Variants in TSPAN2 observed in about 807,000 individuals in gnomAD.
The protein encoded by TSPAN2 is tetraspanin 2, also known as tetraspanin-2.
In TSPAN2, 24 loss-of-function variants were observed where a neutral mutation model predicts 33.3. The ratio of observed to expected loss-of-function variants is 0.72; its 90% CI spans 0.52 to 1.01. The LOEUF is 1.01. Ranked by LOEUF, TSPAN2 falls within the 50% of genes least tolerant of loss-of-function variation. TSPAN2 has a pLI of 0.00. For missense variants in TSPAN2, 278 were observed against 281.3 expected, an observed-to-expected ratio of 0.99 and a Z score of 0.08; for synonymous variants, 114 against 104.5, an observed-to-expected ratio of 1.09 and a Z score of -0.56.
chr1:115,065,215 G>T (rs1484498795), intron 2 of TSPAN2, among the ~76,000 whole-genome samples: 2 of 152,138 alleles, frequency 1.3e-5, no homozygotes, highest in Non-Finnish European at 1.5e-5. Flanking sequence ...TGGGCGTGCC[G>T]GATCCAGTTC....
intron 1 of TSPAN2, among the ~76,000 whole-genome samples, chr1:115,088,071 A>G (rs1389576326): frequency 6.6e-6 from 1 of 152,182 alleles, no homozygotes; most frequent in African/African-American, 2.4e-5. Context: ...GCCTCTCCCT[A>G]TAGTATGCTT....
chr1:115,059,115 T>C, intron 4 of TSPAN2, 134 bp from the exon 5 acceptor site: 1 of 722,082 alleles, frequency 1.4e-6, no homozygotes, highest in South Asian at 1.7e-5. Context: ...CAATGGACTT[T>C]GGGGACTCAG....
chr1:115,087,753 A>C (rs2101052730), intron 1 of TSPAN2, among the ~76,000 whole-genome samples: 1 of 152,294 alleles, frequency 6.6e-6, no homozygotes, highest in East Asian at 1.9e-4. Flanking sequence ...ATAATAGTAT[A>C]TGTATATCAG....
chr1:115,051,117 C>T (rs141754923), intron 7 of TSPAN2, among the ~76,000 whole-genome samples: 3,044 of 152,150 alleles, frequency 0.02, 101 homozygotes, highest in African/African-American at 0.071. Flanking sequence ...CTAGACCAGC[C>T]TGGGAAACAT....
intron 4 of TSPAN2, among the ~76,000 whole-genome samples, chr1:115,059,878 C>A (rs906989077): frequency 6.6e-5 from 10 of 152,170 alleles, no homozygotes; most frequent in Non-Finnish European, 8.8e-5. Context: ...TGAAATACAC[C>A]AAACTTAAGT....
At chr1:115,088,087 A>G (rs1648914614) in intron 1 of TSPAN2, among the ~76,000 whole-genome samples, 1 of 152,232 alleles carries the variant, frequency 6.6e-6, no homozygotes, top group African/African-American at 2.4e-5. Flanking sequence ...TGCTTGATGT[A>G]AATCCCCACG....
chr1:115,062,822 G>A (rs1647788326), intron 2 of TSPAN2, among the ~76,000 whole-genome samples: 1 of 152,226 alleles, frequency 6.6e-6, no homozygotes, highest in South Asian at 2.1e-4. Flanking sequence ...CCCTGGGCCT[G>A]GCATTCAGGG....
intron 7 of TSPAN2, 138 bp from the exon 8 acceptor site, chr1:115,050,693 T>A (rs900354638): frequency 2.9e-6 from 2 of 695,232 alleles, no homozygotes; most frequent in African/African-American, 3.6e-5. Context: ...GACATTTTAG[T>A]ATGTTACTTA....
At chr1:115,072,859 GC>G in intron 2 of TSPAN2, 45 bp downstream of exon 2, 1 of 1,478,898 alleles carries the variant, frequency 6.8e-7, no homozygotes, top group African/African-American at 1.4e-5. Context: ...TCTTTGCACA[GC>G]CCCATCTACT....
chr1:115,082,594 C>T (rs949174303), intron 1 of TSPAN2, among the ~76,000 whole-genome samples: 1 of 152,006 alleles, frequency 6.6e-6, no homozygotes, highest in Non-Finnish European at 1.5e-5. Context: ...TGATATATAC[C>T]CTTTCTCAAT....
At chr1:115,065,862 T>C (rs1250534017) in intron 2 of TSPAN2, among the ~76,000 whole-genome samples, 2 of 152,194 alleles carry the variant, frequency 1.3e-5, no homozygotes, top group African/African-American at 2.4e-5. Flanking sequence ...TATTTAACTG[T>C]ATTTTTGTAC....
rs1441157844 is a variant in TSPAN2, at chr1:115,062,162, C to A, written c.243G>T (p.Met81Ile). The change falls in exon 3 of 8, where the codon ATG (methionine) becomes ATT (isoleucine). Residue 81 changes from methionine to isoleucine, a missense_variant. By Grantham distance (10) the Met-to-Ile change is conservative. Coordinates refer to ENST00000369516, the MANE Select transcript of TSPAN2 (RefSeq NM_005725.6). ...ATCCAAGCACACATTGCGACTCCCG[C>A]ATGGCTCCGCAGCACCCGAAGAACC... ...AVGFFGCCGA[M>I]RESQCVLGSF... The A allele has an allele frequency of 1.6e-5, 26 of 1,600,096 alleles. No homozygotes were observed. Among genetic ancestry groups the A allele is most frequent in the Non-Finnish European group, 2.1e-5 (25 of 1,173,228 alleles).
chr1:115,053,224 G>A (rs768447915), intron 7 of TSPAN2, among the ~76,000 whole-genome samples, 155 bp downstream of exon 7: 3 of 152,164 alleles, frequency 2.0e-5, no homozygotes, highest in Admixed American at 1.3e-4. Context: ...ATATTTATGA[G>A]CTTTGTTCTT....
intron 1 of TSPAN2, among the ~76,000 whole-genome samples, chr1:115,075,582 A>T (rs1330774769): frequency 6.6e-6 from 1 of 152,210 alleles, no homozygotes; most frequent in Non-Finnish European, 1.5e-5. Flanking sequence ...CTTGAAAAAA[A>T]TTCACACCAG....
At position 115,048,754 on chromosome 1, in the gene TSPAN2, A is replaced by G. The variant is rs1675230464; in HGVS notation, c.*1736T>C. On this transcript the variant is annotated 3_prime_UTR_variant, in exon 8 of 8. Transcript: ENST00000369516. ...ACTACTGGGGTACAAACTATATTTC[A>G]TGAAGTAATTTTTGTAAAATAATTT... 6.6e-6 allele frequency: 1 copy of G among 152,134 alleles called. No individual in the cohort carries two copies. The highest frequency in any genetic ancestry group is 2.1e-4 in the South Asian group (1 of 4,834). The allele number at this position is 152,134 out of a possible 1,614,324, so 9.4% of individuals were successfully genotyped here. A position where few individuals can be genotyped will look rare whatever the true frequency, so the allele number is the denominator to read the frequency against.
At chr1:115,055,550 G>C (rs1647378405) in intron 6 of TSPAN2, among the ~76,000 whole-genome samples, 4 of 151,624 alleles carry the variant, frequency 2.6e-5, no homozygotes, top group Admixed American at 2.6e-4. Flanking sequence ...TGGAGACAGA[G>C]TCTCGCTCTC....
intron 6 of TSPAN2, among the ~76,000 whole-genome samples, chr1:115,057,116 A>G (rs1647463396): frequency 1.3e-5 from 2 of 152,170 alleles, no homozygotes; most frequent in Admixed American, 1.3e-4. Flanking sequence ...TGCCTACTGG[A>G]TATTTCCATT....
At chr1:115,082,198 T>G (rs1295609492) in intron 1 of TSPAN2, among the ~76,000 whole-genome samples, 6 of 152,214 alleles carry the variant, frequency 3.9e-5, no homozygotes. Context: ...TTTATTTAGT[T>G]TTAATTAATT....
chr1:115,079,442 C>T (rs1480912153), intron 1 of TSPAN2, among the ~76,000 whole-genome samples: 3 of 152,160 alleles, frequency 2.0e-5, no homozygotes, highest in Non-Finnish European at 2.9e-5. Flanking sequence ...AATGGAGTCT[C>T]ACCCTCTTAG....
Sources: allele counts gnomAD v4.1 joint callset (sites outside exome capture counted in the v4.1 genomes callset), GRCh38; gene constraint gnomAD v4.1.1; transcripts MANE v1.5; gene names NCBI Gene and HGNC (gene_info 2026-07-23, HGNC 2026-07-21).